The following AQR variants were observed in gnomAD, a reference collection of about 807,000 sequenced individuals.
The protein encoded by AQR is RNA helicase aquarius.
In AQR, 61 loss-of-function variants were observed where a neutral mutation model predicts 180.5. That is an observed-to-expected ratio of 0.34 (90% confidence interval 0.28 to 0.42). AQR has a LOEUF of 0.42. Ranked by LOEUF, AQR falls within the 10% of genes least tolerant of loss-of-function variation. AQR has a pLI of 1.00. For missense variants in AQR, 1,281 were observed against 1,798.3 expected (o/e 0.71, Z 5.20); for synonymous variants, 551 against 588.8 (o/e 0.94, Z 0.93).
At chr15:34,959,439 A>AT (rs1031694373) in intron 3 of AQR, among the ~76,000 whole-genome samples, 4 of 152,146 alleles carry the variant, frequency 2.6e-5, no homozygotes, top group Non-Finnish European at 4.4e-5. Flanking sequence ...AGGTGCTGGG[A>AT]TTACAGGCAT....
chr15:34,947,507 T>G (rs113462241), intron 5 of AQR, among the ~76,000 whole-genome samples: 1 of 135,070 alleles, frequency 7.4e-6, no homozygotes, highest in African/African-American at 2.8e-5. Context: ...GAATGATCAA[T>G]AAAAAAAATA....
intron 3 of AQR, among the ~76,000 whole-genome samples, chr15:34,960,127 A>G (rs935890674): frequency 6.6e-6 from 1 of 152,322 alleles, no homozygotes; most frequent in East Asian, 1.9e-4. Flanking sequence ...TAAAATACTC[A>G]CTGGACATAC....
At chr15:34,930,591 A>T (rs1893836333) in intron 11 of AQR, among the ~76,000 whole-genome samples, 3 of 152,230 alleles carry the variant, frequency 2.0e-5, no homozygotes, top group Admixed American at 2.0e-4. Context: ...TATTTCATAT[A>T]CATGGTCTAC....
At chr15:34,914,728 C>T (rs544854302) in intron 16 of AQR, among the ~76,000 whole-genome samples, 1 of 152,280 alleles carries the variant, frequency 6.6e-6, no homozygotes, top group Admixed American at 6.5e-5. Context: ...GCCTTCCAAT[C>T]GGCCTTTAAG....
At chr15:34,964,032 A>T (rs2050296660) in intron 2 of AQR, among the ~76,000 whole-genome samples, 1 of 152,168 alleles carries the variant, frequency 6.6e-6, no homozygotes, top group South Asian at 2.1e-4. Flanking sequence ...CTGTGTAGTG[A>T]TTATTTTCTT....
chr15:34,940,085 G>A (rs934010812), intron 8 of AQR, among the ~76,000 whole-genome samples: 5 of 152,304 alleles, frequency 3.3e-5, no homozygotes, highest in African/African-American at 1.2e-4. Flanking sequence ...TAGTTGGTCT[G>A]GAAGAGTGTT....
chr15:34,853,566 G>C lies in AQR; in HGVS notation c.*3226C>G, dbSNP rs752188587. Reference sequence around the variant, plus strand: ...ACCTGATCCTAGATAGATCCTCAAAGGTCAACTGCCACTAGGTGTCCCCTT... The same window carrying C: ...ACCTGATCCTAGATAGATCCTCAAACGTCAACTGCCACTAGGTGTCCCCTT... On this transcript the variant is annotated 3_prime_UTR_variant, in exon 35 of 35. Transcript: ENST00000156471. The C allele has an allele frequency of 3.3e-5, 5 of 152,144 alleles. No homozygotes were observed. The highest frequency in any genetic ancestry group is 5.9e-5 in the Non-Finnish European group (4 of 68,042). The allele number at this position is 152,144 out of a possible 1,614,324, so 9.4% of individuals were successfully genotyped here.
At chr15:34,874,066 T>C (rs892893241) in intron 29 of AQR, 67 bp from the exon 30 acceptor site, 127 of 1,368,822 alleles carry the variant, frequency 9.3e-5, no homozygotes, top group Middle Eastern at 7.7e-4. Flanking sequence ...TTAATATACA[T>C]AAGGAGGTTT....
At chr15:34,881,281 G>GT (rs1892969319) in intron 27 of AQR, among the ~76,000 whole-genome samples, 1 of 152,018 alleles carries the variant, frequency 6.6e-6, no homozygotes, top group Admixed American at 6.6e-5. Flanking sequence ...ATAAATTGTC[G>GT]TATTTGTCCT....
At chr15:34,940,740 TG>T (rs1414548294) in intron 8 of AQR, among the ~76,000 whole-genome samples, 158 bp downstream of exon 8, 1 of 152,158 alleles carries the variant, frequency 6.6e-6, no homozygotes, top group Non-Finnish European at 1.5e-5. Flanking sequence ...TAGATCTTTG[TG>T]GAAAATATTC....
At chr15:34,889,152 G>GTA (rs1241744081) in intron 24 of AQR, among the ~76,000 whole-genome samples, 2 of 152,086 alleles carry the variant, frequency 1.3e-5, no homozygotes, top group Non-Finnish European at 2.9e-5. Context: ...ACCTACCTTT[G>GTA]TAAGTTGGCT....
At chr15:34,913,467 A>C (rs916611949) in intron 16 of AQR, among the ~76,000 whole-genome samples, 4 of 152,210 alleles carry the variant, frequency 2.6e-5, no homozygotes, top group Non-Finnish European at 5.9e-5. Context: ...ATAATTTTCA[A>C]TGATGGGCAT....
chr15:34,915,200 C>T (rs763773984), intron 15 of AQR, 21 bp from the exon 16 acceptor site: 17 of 1,557,306 alleles, frequency 1.1e-5, no homozygotes, highest in Non-Finnish European at 1.5e-5. Flanking sequence ...AAAAAACATC[C>T]ATATTTCAAT....
intron 2 of AQR, among the ~76,000 whole-genome samples, chr15:34,963,721 T>C (rs1283488321): frequency 1.3e-5 from 2 of 149,966 alleles, no homozygotes; most frequent in Non-Finnish European, 2.9e-5. Context: ...TGGAGTGCAG[T>C]GGTGCGATCT....
At chr15:34,919,952 G>A (rs1444636346) in intron 14 of AQR, among the ~76,000 whole-genome samples, 1 of 151,886 alleles carries the variant, frequency 6.6e-6, no homozygotes, top group African/African-American at 2.4e-5. Context: ...AAGAATTCCT[G>A]AAAAAAATCC....
rs1333751482 is a variant in AQR at position 34,884,725 on chromosome 15, G to A, written c.2827C>T (p.Arg943Cys). The A allele has an allele frequency of 1.3e-6, 2 of 1,598,160 alleles. No homozygotes were observed. The highest frequency in any genetic ancestry group is 1.8e-5 in the Admixed American group (1 of 56,120). ...GYFFLYQVMS[R>C]WEEYISKVKN... ...ACTTTGCTGATATACTCTTCCCAGC[G>A]AGACATTACCTGTAGAAAAAAGGAC... The change falls in exon 26 of 35, where the codon CGC (arginine) becomes TGC (cysteine). Residue 943 changes from arginine (R) to cysteine (C), a missense_variant. Coordinates refer to ENST00000156471, the MANE Select transcript of AQR (RefSeq NM_014691.3).
chr15:34,861,407 C>T (rs1892669957), intron 33 of AQR, among the ~76,000 whole-genome samples: 1 of 152,222 alleles, frequency 6.6e-6, no homozygotes, highest in Non-Finnish European at 1.5e-5. Context: ...CACTCTCCGC[C>T]CCTCACTATC....
At chr15:34,907,263 G>A (rs752551566) in intron 17 of AQR, among the ~76,000 whole-genome samples, 2 of 152,178 alleles carry the variant, frequency 1.3e-5, no homozygotes, top group African/African-American at 2.4e-5. Flanking sequence ...TTGGCAAATC[G>A]TGAACATTTT....
At chr15:34,959,125 G>A (rs909494901) in intron 3 of AQR, among the ~76,000 whole-genome samples, 1 of 152,106 alleles carries the variant, frequency 6.6e-6, no homozygotes, top group Non-Finnish European at 1.5e-5. Context: ...TGTTAGCATC[G>A]AAAAGGTGGC....
Sources: allele counts gnomAD v4.1 joint callset (sites outside exome capture counted in the v4.1 genomes callset), GRCh38; gene constraint gnomAD v4.1.1; transcripts MANE v1.5; gene names NCBI Gene and HGNC (gene_info 2026-07-23, HGNC 2026-07-21).